PCDHA5: variants seen among roughly 807,000 people sequenced by gnomAD.
PCDHA5 encodes protocadherin alpha-5.
Under a neutral mutation model 61.6 loss-of-function variants are expected in PCDHA5, and 43 were observed. The ratio of observed to expected loss-of-function variants is 0.70; its 90% CI spans 0.55 to 0.90. The LOEUF (loss-of-function observed/expected upper bound fraction) is 0.90, where lower values mean the gene tolerates loss of function less well. PCDHA5 is among the 40% of genes least tolerant of loss of function. The pLI, the probability that PCDHA5 is intolerant of heterozygous loss-of-function variation, is 0.00. For missense variants in PCDHA5, 1,298 were observed against 1,222.7 expected (o/e 1.06, Z -0.92); for synonymous variants, 627 against 543.9 (o/e 1.15, Z -2.13).
intron 1 of PCDHA5, chr5:140,968,975 T>G (rs782002097): frequency 2.5e-6 from 4 of 1,614,168 alleles, no homozygotes; most frequent in Non-Finnish European, 3.4e-6. Context: ...CTACACTGCG[T>G]ATGGCACTGC....
chr5:140,892,757 A>G lies in PCDHA5; in HGVS notation c.2352+68630A>G, dbSNP rs140291258. 8.0e-3 allele frequency among the ~76,000 whole-genome samples: 1,217 copies of G among 152,310 alleles called. 7 individuals carry two copies. Among genetic ancestry groups the G allele is most frequent in the African/African-American group, 0.019 (784 of 41,562 alleles). ...CCATTTTTGCATGGTGAACATTTAA[A>G]ATCCACTCTTCTAGCTTCTTGAAAA... On this transcript the variant is annotated intron_variant, in intron 1 of 3. Transcript: ENST00000529859.
intron 1 of PCDHA5, among the ~76,000 whole-genome samples, chr5:140,952,530 A>T (rs246033): frequency 6.6e-6 from 1 of 151,882 alleles, no homozygotes; most frequent in Non-Finnish European, 1.5e-5. Context: ...ACCTCCTCAG[A>T]CTGGACTTCT....
chr5:140,982,795 ATG>A (rs60616196), intron 3 of PCDHA5, among the ~76,000 whole-genome samples: 18 of 151,504 alleles, frequency 1.2e-4, no homozygotes, highest in African/African-American at 3.2e-4. Flanking sequence ...GCATGTGTGC[ATG>A]TGTGTGTGTG....
At chr5:140,871,564 C>A (rs782409405) in intron 1 of PCDHA5, 7 of 1,482,594 alleles carry the variant, frequency 4.7e-6, no homozygotes, top group Non-Finnish European at 6.3e-6. Context: ...TTTTTTTTCA[C>A]GGATTTTTTA....
intron 1 of PCDHA5, chr5:140,930,126 C>T (rs1286889846): frequency 6.6e-6 from 1 of 152,108 alleles, no homozygotes; most frequent in Non-Finnish European, 1.5e-5. Flanking sequence ...GGATATAGGA[C>T]TTGACAACCT....
chr5:140,919,286 G>A (rs1225686980), intron 1 of PCDHA5, among the ~76,000 whole-genome samples: 9 of 152,096 alleles, frequency 5.9e-5, no homozygotes, highest in Admixed American at 5.9e-4. Flanking sequence ...GCTATCTTGT[G>A]GTTGCTGTTT....
intron 1 of PCDHA5, chr5:140,829,130 G>A (rs2150162751): frequency 2.5e-6 from 4 of 1,612,556 alleles, no homozygotes; most frequent in Non-Finnish European, 3.4e-6. Flanking sequence ...AAATGATAAC[G>A]TCCCTGAGAT....
At chr5:140,892,595 A>G (rs1424989273) in intron 1 of PCDHA5, among the ~76,000 whole-genome samples, 1 of 151,958 alleles carries the variant, frequency 6.6e-6, no homozygotes, top group African/African-American at 2.4e-5. Flanking sequence ...TCATTCACCT[A>G]TTTTTTTCCT....
chr5:140,971,386 G>A (rs1413710321), intron 1 of PCDHA5, among the ~76,000 whole-genome samples: 1 of 152,140 alleles, frequency 6.6e-6, no homozygotes, highest in East Asian at 1.9e-4. Flanking sequence ...CTTTAATAAA[G>A]GCAAATTTCT....
intron 1 of PCDHA5, chr5:140,876,718 G>T (rs1554168825): frequency 1.9e-6 from 3 of 1,614,124 alleles, no homozygotes; most frequent in African/African-American, 1.3e-5. Flanking sequence ...CCTGGACCGC[G>T]AGAGCGTGTC....
intron 1 of PCDHA5, among the ~76,000 whole-genome samples, chr5:140,965,073 TCTGA>T (rs1372324599): frequency 1.3e-5 from 2 of 152,186 alleles, no homozygotes; most frequent in African/African-American, 4.8e-5. Context: ...CAGGTCTCAC[TCTGA>T]CTTTGTTCCA....
intron 1 of PCDHA5, chr5:140,929,425 A>G (rs2086148550): frequency 6.7e-7 from 1 of 1,496,844 alleles, no homozygotes. Context: ...CATTTCATCA[A>G]TTGAACTAAA....
At chr5:140,926,785 G>A in intron 1 of PCDHA5, 1 of 1,417,966 alleles carries the variant, frequency 7.1e-7, no homozygotes. Context: ...GTGACGGCCG[G>A]CAGGAGCGTG....
intron 1 of PCDHA5, chr5:140,852,195 C>A: frequency 2.8e-6 from 2 of 709,280 alleles, no homozygotes; most frequent in African/African-American, 1.9e-5. Context: ...ATGCCAGTAA[C>A]GTTTATTTAA....
At chr5:140,991,025 A>G (rs1440890555) in intron 3 of PCDHA5, among the ~76,000 whole-genome samples, 2 of 152,208 alleles carry the variant, frequency 1.3e-5, no homozygotes, top group African/African-American at 4.8e-5. Flanking sequence ...CACTTTACAT[A>G]TGTTGCATAC....
At chr5:140,909,812 A>T (rs1353892202) in intron 1 of PCDHA5, among the ~76,000 whole-genome samples, 1 of 151,982 alleles carries the variant, frequency 6.6e-6, no homozygotes, top group Non-Finnish European at 1.5e-5. Context: ...AAAACTCCAT[A>T]AGCCCCTACT....
intron 1 of PCDHA5, chr5:140,968,861 C>T (rs139036960): frequency 5.6e-5 from 90 of 1,614,182 alleles, no homozygotes; most frequent in Admixed American, 2.8e-4. Flanking sequence ...TAAGAGCCCT[C>T]GGACATACTC....
intron 1 of PCDHA5, among the ~76,000 whole-genome samples, chr5:140,951,536 C>T (rs1260106126): frequency 2.0e-5 from 3 of 151,914 alleles, no homozygotes; most frequent in Admixed American, 6.6e-5. Flanking sequence ...GGTGCAGGAG[C>T]AAGGGACGGG....
chr5:140,862,390 A>T (rs1325136355), intron 1 of PCDHA5: 3 of 349,930 alleles, frequency 8.6e-6, no homozygotes, highest in African/African-American at 6.4e-5. Context: ...ACGTCTCTTC[A>T]AGCTGGTGTC....
Sources: gnomAD v4.1 joint callset for allele counts (sites outside exome capture counted in the v4.1 genomes callset) on GRCh38, gnomAD v4.1.1 for gene constraint, MANE v1.5 for transcripts, NCBI Gene and HGNC (gene_info 2026-07-23, HGNC 2026-07-21) for gene names.